Variants in GNB1 observed in about 807,000 individuals in gnomAD.
GNB1 encodes G protein subunit beta 1.
In GNB1, 2 loss-of-function variants were observed where a neutral mutation model predicts 42.9. That is an observed-to-expected ratio of 0.05 (90% CI 0.02 to 0.15). The LOEUF is 0.15. Ranked by LOEUF, GNB1 falls within the 10% of genes least tolerant of loss-of-function variation. The pLI is 1.00. For missense variants in GNB1, 193 were observed against 462.2 expected (o/e 0.42, Z 5.34); for synonymous variants, 183 against 174.7 (o/e 1.05, Z -0.38).
chr1:1,832,109 TAAAG>T (rs1422089366), intron 2 of GNB1: 1 of 152,034 alleles, frequency 6.6e-6, no homozygotes, highest in Non-Finnish European at 1.5e-5. Flanking sequence ...ATACTCACTT[TAAAG>T]AAAGATAGAA....
Position 1,788,741 on chromosome 1 carries a change from T to A in GNB1, c.916+312A>T, listed in dbSNP as rs1557879276. 3 of 297,594 alleles carry A rather than the reference T, an allele frequency of 1.0e-5. No individual in the cohort carries two copies. In the East Asian group the frequency reaches 1.7e-4, roughly 17 times the overall value. 18.4% of individuals were successfully genotyped at this position (297,594 alleles called of 1,614,324 possible). A position where few individuals can be genotyped will look rare whatever the true frequency, so the allele number is the denominator to read the frequency against. ...CAGAGGTGTCCCTGCATGGAACTCC[T>A]CCCCCTGAAGCAGAGTTCAGAGGGG... is the stretch of plus-strand genomic sequence containing the variant. On this transcript the variant is annotated intron_variant, in intron 10 of 11. Transcript: ENST00000378609.
intron 1 of GNB1, among the ~76,000 whole-genome samples, chr1:1,881,175 G>A (rs1206376422): frequency 6.6e-6 from 1 of 152,034 alleles, no homozygotes; most frequent in Non-Finnish European, 1.5e-5. Context: ...CCACCCAGAG[G>A]GCAGACGGAA....
chr1:1,862,623 C>T (rs1033226908), intron 1 of GNB1, among the ~76,000 whole-genome samples: 2 of 151,668 alleles, frequency 1.3e-5, no homozygotes, highest in South Asian at 2.1e-4. Flanking sequence ...CTGATGCCCC[C>T]GATTTTTGTA....
intron 1 of GNB1, among the ~76,000 whole-genome samples, chr1:1,872,506 C>G (rs1045923409): frequency 2.0e-5 from 3 of 152,220 alleles, no homozygotes; most frequent in Non-Finnish European, 2.9e-5. Flanking sequence ...ACCCCTACCT[C>G]TGCCCTACAG....
chr1:1,836,167 C>T (rs1313954648), intron 2 of GNB1, among the ~76,000 whole-genome samples: 1 of 152,028 alleles, frequency 6.6e-6, no homozygotes. Context: ...ACATTCCCAA[C>T]ATCCTATAAG....
At chr1:1,828,969 T>C (rs1235248128) in intron 2 of GNB1, among the ~76,000 whole-genome samples, 2 of 152,168 alleles carry the variant, frequency 1.3e-5, no homozygotes, top group Non-Finnish European at 2.9e-5. Context: ...AGTCCACACA[T>C]AGAAGTGATA....
chr1:1,785,593 G>T lies in GNB1; in HGVS notation c.*1470C>A. 1 of 181,340 alleles carries T rather than the reference G, an allele frequency of 5.5e-6. No individual in the cohort carries two copies. Among genetic ancestry groups the T allele is most frequent in the Admixed American group, 6.2e-5 (1 of 16,104 alleles). The allele number at this position is 181,340 out of a possible 1,614,324, so 11.2% of individuals were successfully genotyped here. ...TGAAGGAGTGCGGGGGGCGGGGCGG[G>T]GGGTCCCACAGAACCTGCTTTCCAA... On this transcript the variant is annotated 3_prime_UTR_variant, in exon 12 of 12. Coordinates refer to ENST00000378609, the MANE Select transcript of GNB1 (RefSeq NM_002074.5).
At chr1:1,886,687 T>C (rs932135613) in intron 1 of GNB1, among the ~76,000 whole-genome samples, 1 of 152,210 alleles carries the variant, frequency 6.6e-6, no homozygotes, top group Admixed American at 6.5e-5. Flanking sequence ...GAAATCAGAA[T>C]GTAAACCAGT....
In GNB1 at chr1:1,790,654, A is replaced by ACC. The variant is rs1646469617; in HGVS notation, c.498-59_498-58insGG. ...GCCTTAACTTCTTGGGTGGCTAGTC[A>ACC]TGTGACAGACAATCTGTCCTTCAAA... On this transcript the variant is annotated intron_variant, in intron 8 of 11. Transcript: ENST00000378609. This position sits in a 1 kb window ranked among gnomAD's most constrained non-coding sequence, Gnocchi z 5.4. 2.5e-6 allele frequency: 3 copies of ACC among 1,197,078 alleles called. No homozygotes were observed. The African/African-American group carries it at 4.5e-5, about 18-fold the overall frequency. The allele number at this position is 1,197,078 out of a possible 1,614,324, so 74.2% of individuals were successfully genotyped here.
intron 1 of GNB1, among the ~76,000 whole-genome samples, chr1:1,874,326 C>T (rs980537330): frequency 6.6e-6 from 1 of 152,026 alleles, no homozygotes. Flanking sequence ...AAAATTAGGC[C>T]GGGCGTGGTG....
chr1:1,882,447 A>G (rs971836218), intron 1 of GNB1, among the ~76,000 whole-genome samples: 8 of 146,080 alleles, frequency 5.5e-5, no homozygotes, highest in Non-Finnish European at 7.6e-5. Flanking sequence ...AAAAAAAAAA[A>G]AAAGAGAGAA....
intron 3 of GNB1, chr1:1,818,305 T>TAAAAAAAAA (rs70937197): frequency 2.1e-5 from 2 of 96,616 alleles, no homozygotes; most frequent in African/African-American, 8.2e-5. Context: ...AAAGGTCTAT[T>TAAAAAAAAA]AAAAAAAAAA....
chr1:1,816,971 C>T (rs1427775768), intron 4 of GNB1, among the ~76,000 whole-genome samples: 1 of 152,118 alleles, frequency 6.6e-6, no homozygotes, highest in Non-Finnish European at 1.5e-5. Flanking sequence ...CAATTAATCA[C>T]TTTAAAGTCT....
At chr1:1,803,217 C>T (rs139797282) in intron 7 of GNB1, among the ~76,000 whole-genome samples, 11 of 152,302 alleles carry the variant, frequency 7.2e-5, no homozygotes, top group South Asian at 2.1e-4. Context: ...CAAATGTATG[C>T]CTTTCATGAT....
intron 7 of GNB1, among the ~76,000 whole-genome samples, chr1:1,801,543 C>T (rs1047855325): frequency 3.9e-5 from 6 of 152,012 alleles, no homozygotes; most frequent in South Asian, 2.1e-4. Flanking sequence ...ACTAGAGGAC[C>T]GCGAGACATT....
chr1:1,848,097 AGGCCGGGTGC>A (rs1647770263), intron 1 of GNB1, among the ~76,000 whole-genome samples: 1 of 152,162 alleles, frequency 6.6e-6, no homozygotes, highest in Admixed American at 6.5e-5. Context: ...ATGAAAAAGC[AGGCCGGGTGC>A]GGTGGCTCAG....
intron 3 of GNB1, among the ~76,000 whole-genome samples, chr1:1,819,281 T>G (rs1423161158): frequency 6.6e-6 from 1 of 151,840 alleles, no homozygotes; most frequent in Non-Finnish European, 1.5e-5. Context: ...GAGTGCTGTG[T>G]CGCGATCTCA....
chr1:1,860,185 C>T (rs1648542711), intron 1 of GNB1, among the ~76,000 whole-genome samples: 1 of 152,132 alleles, frequency 6.6e-6, no homozygotes, highest in Admixed American at 6.6e-5. Context: ...CAACAAAAAA[C>T]TGAATACCAC....
Position 1,790,316 on chromosome 1 carries a change from G to A in GNB1, c.699+79C>T. 1.0e-6 allele frequency: 1 copy of A among 993,654 alleles called. No homozygotes were observed. 61.6% of individuals were successfully genotyped at this position (993,654 alleles called of 1,614,324 possible). A position where few individuals can be genotyped will look rare whatever the true frequency, so the allele number is the denominator to read the frequency against. Reference sequence around the variant, plus strand: ...ATCAGAAAGGAGAACATCTAATCCAGAAAAGTTTAAAATTTAGCAATCTGA... The same window carrying A: ...ATCAGAAAGGAGAACATCTAATCCAAAAAAGTTTAAAATTTAGCAATCTGA... On this transcript the variant is annotated intron_variant, in intron 9 of 11. Coordinates refer to ENST00000378609, the MANE Select transcript of GNB1 (RefSeq NM_002074.5). This position sits in a 1 kb window ranked among gnomAD's most constrained non-coding sequence, Gnocchi z 5.4.
Sources: gnomAD v4.1 joint callset for allele counts (sites outside exome capture counted in the v4.1 genomes callset) on GRCh38, gnomAD v4.1.1 for gene constraint, Gnocchi (gnomAD v3.1) non-coding constraint, MANE v1.5 for transcripts, NCBI Gene and HGNC (gene_info 2026-07-23, HGNC 2026-07-21) for gene names.